ERC2: variants seen among roughly 807,000 people sequenced by gnomAD.
The protein encoded by ERC2 is ELKS/RAB6-interacting/CAST family member 2.
In ERC2, 42 loss-of-function variants were observed where a neutral mutation model predicts 114.8. The observed-to-expected ratio is 0.37, with a 90% CI of 0.29 to 0.47. ERC2 has a LOEUF of 0.47. Among genes scored for constraint, ERC2 ranks in the 20% least tolerant of loss-of-function variants. The pLI, the probability that ERC2 is intolerant of heterozygous loss-of-function variation, is 0.99. For synonymous variants in ERC2, 454 were observed against 425.5 expected (o/e 1.07, Z -0.82); for missense variants, 939 against 1,150.7 (o/e 0.82, Z 2.66).
chr3:56,130,895 A>T (rs761259222), intron 6 of ERC2, among the ~76,000 whole-genome samples: 1 of 152,196 alleles, frequency 6.6e-6, no homozygotes, highest in African/African-American at 2.4e-5. Flanking sequence ...CATTTTCCGC[A>T]TTCTAAGGCT....
intron 17 of ERC2, among the ~76,000 whole-genome samples, chr3:55,641,507 G>A (rs1004847308): frequency 4.3e-5 from 5 of 115,596 alleles, no homozygotes; most frequent in East Asian, 6.1e-4. Flanking sequence ...CCAGGATCCC[G>A]CCATTGCACT....
intron 15 of ERC2, among the ~76,000 whole-genome samples, chr3:55,716,327 T>C (rs904082847): frequency 1.2e-4 from 18 of 152,290 alleles, no homozygotes; most frequent in African/African-American, 4.3e-4. Flanking sequence ...GTGCTTCCCT[T>C]GCTAGAAATA....
At chr3:55,571,930 C>A (rs577910743) in intron 17 of ERC2, among the ~76,000 whole-genome samples, 295 of 152,332 alleles carry the variant, frequency 1.9e-3, no homozygotes, top group African/African-American at 6.8e-3. Flanking sequence ...CCTCTTGCTT[C>A]AGCCTTGTCC....
At chr3:55,565,388 G>A (rs1446945812) in intron 17 of ERC2, among the ~76,000 whole-genome samples, 3 of 152,132 alleles carry the variant, frequency 2.0e-5, no homozygotes, top group African/African-American at 7.2e-5. Flanking sequence ...GAACATAGTG[G>A]CTGACGGGTA....
intron 17 of ERC2, among the ~76,000 whole-genome samples, chr3:55,624,724 A>G: frequency 6.6e-6 from 1 of 152,166 alleles, no homozygotes; most frequent in East Asian, 1.9e-4. Context: ...CTGGATGGAA[A>G]GCACTTAGCA....
At chr3:55,604,486 C>A (rs948212680) in intron 17 of ERC2, among the ~76,000 whole-genome samples, 1 of 152,144 alleles carries the variant, frequency 6.6e-6, no homozygotes, top group African/African-American at 2.4e-5. Context: ...TCCCTTTTCT[C>A]TATGTTCCTG....
chr3:55,540,721 C>A (rs2054338157), intron 17 of ERC2, among the ~76,000 whole-genome samples: 1 of 152,212 alleles, frequency 6.6e-6, no homozygotes, highest in Non-Finnish European at 1.5e-5. Flanking sequence ...ATGACTGTAC[C>A]ATGAATAGCT....
intron 13 of ERC2, among the ~76,000 whole-genome samples, chr3:55,918,183 G>C (rs1022090157): frequency 2.0e-5 from 3 of 151,888 alleles, no homozygotes; most frequent in Non-Finnish European, 4.4e-5. Flanking sequence ...ACCGAAGCTT[G>C]GTCTTATGGC....
chr3:56,134,979 C>G (rs531959737), intron 6 of ERC2, among the ~76,000 whole-genome samples: 11 of 151,272 alleles, frequency 7.3e-5, no homozygotes, highest in African/African-American at 2.4e-4. Flanking sequence ...TGGAGTCTCG[C>G]TCTGTCACCC....
At position 56,340,540 on chromosome 3, in the gene ERC2, GAA is replaced by G. The variant is rs1491128591; in HGVS notation, c.658-44107_658-44106del. 4.9e-3 allele frequency among the ~76,000 whole-genome samples: 627 copies of G among 127,360 alleles called. 6 individuals carry two copies. The highest frequency in any genetic ancestry group is 0.017 in the African/African-American group (579 of 34,150). The allele number at this position is 127,360 out of a possible 152,430, so 83.6% of individuals were successfully genotyped here. On this transcript the variant is annotated intron_variant, in intron 2 of 17. Transcript: ENST00000288221. ...TGTGTGTGAGAGAGAGAGAGAGAGT[GAA>G]TGTGTGTGTGTGTGTGTGTGTGTGT...
At chr3:56,094,926 A>G (rs549247428) in intron 6 of ERC2, among the ~76,000 whole-genome samples, 1 of 152,344 alleles carries the variant, frequency 6.6e-6, no homozygotes, top group East Asian at 1.9e-4. Flanking sequence ...CCTAATAAAG[A>G]GTTAGATGTA....
chr3:55,999,376 G>A (rs2071852400), intron 10 of ERC2, among the ~76,000 whole-genome samples: 1 of 152,090 alleles, frequency 6.6e-6, no homozygotes, highest in Non-Finnish European at 1.5e-5. Context: ...GAGATAAAAA[G>A]TAAAAGGTTC....
rs116440694 is a variant in ERC2 at position 56,115,825 on chromosome 3, G to A, written c.1473+23684C>T. ...CTTTTAGCATGCCTTTCATATGCAA[G>A]CCAACCATCCAGAACCCTCACCCTA... On this transcript the variant is annotated intron_variant, in intron 6 of 17. Coordinates refer to ENST00000288221, the MANE Select transcript of ERC2 (RefSeq NM_015576.3). Among the ~76,000 whole-genome samples, 900 of 152,102 alleles carry A rather than the reference G, an allele frequency of 5.9e-3. 17 individuals are homozygous for A. The highest frequency in any genetic ancestry group is 0.02 in the African/African-American group (850 of 41,484).
chr3:56,081,413 A>G (rs1373081624), intron 6 of ERC2, among the ~76,000 whole-genome samples: 1 of 152,182 alleles, frequency 6.6e-6, no homozygotes, highest in Non-Finnish European at 1.5e-5. Context: ...GGACATCCAG[A>G]GGAACAAGAT....
chr3:56,295,751 A>G (rs2055387740), intron 3 of ERC2, among the ~76,000 whole-genome samples: 1 of 152,212 alleles, frequency 6.6e-6, no homozygotes, highest in South Asian at 2.1e-4. Flanking sequence ...TGGGAAAGCA[A>G]TTGTTTATAA....
At chr3:56,335,273 A>C (rs1354913280) in intron 2 of ERC2, among the ~76,000 whole-genome samples, 1 of 152,234 alleles carries the variant, frequency 6.6e-6, no homozygotes, top group African/African-American at 2.4e-5. Flanking sequence ...CTCACAATTA[A>C]AGAAGCAACT....
intron 9 of ERC2, among the ~76,000 whole-genome samples, chr3:56,007,861 G>A (rs2072620568): frequency 6.6e-6 from 1 of 152,004 alleles, no homozygotes. Flanking sequence ...TTAAAATTTA[G>A]AGTAAATTTT....
chr3:56,298,400 T>A (rs891896080), intron 2 of ERC2, among the ~76,000 whole-genome samples: 2 of 152,202 alleles, frequency 1.3e-5, no homozygotes, highest in African/African-American at 4.8e-5. Context: ...TATCCATTCA[T>A]CAGTTGACTC....
chr3:55,741,946 C>A (rs1367695358), intron 14 of ERC2, among the ~76,000 whole-genome samples: 1 of 152,106 alleles, frequency 6.6e-6, no homozygotes, highest in South Asian at 2.1e-4. Context: ...GGGGGAAATT[C>A]TGTGCCCTGT....
Sources: allele counts gnomAD v4.1 joint callset (sites outside exome capture counted in the v4.1 genomes callset), GRCh38; gene constraint gnomAD v4.1.1; transcripts MANE v1.5; gene names NCBI Gene and HGNC (gene_info 2026-07-23, HGNC 2026-07-21).